CFAP61: variants seen among roughly 807,000 people sequenced by gnomAD.
The protein encoded by CFAP61 is cilia and flagella associated protein 61, also known as cilia- and flagella-associated protein 61.
Under a neutral mutation model 135.6 loss-of-function variants are expected in CFAP61, and 107 were observed. The ratio of observed to expected loss-of-function variants is 0.79; its 90% CI spans 0.67 to 0.93. The LOEUF is 0.93. Among genes scored for constraint, CFAP61 ranks in the 40% least tolerant of loss-of-function variants. CFAP61 has a pLI of 0.00. For missense variants in CFAP61, 1,507 were observed against 1,556.2 expected (o/e 0.97, Z 0.53); for synonymous variants, 575 against 578.5 (o/e 0.99, Z 0.09).
chr20:20,114,281 T>A (rs1024038606), intron 8 of CFAP61, among the ~76,000 whole-genome samples: 2 of 152,164 alleles, frequency 1.3e-5, no homozygotes, highest in African/African-American at 4.8e-5. Flanking sequence ...AAAATTAAAT[T>A]AAATTTTAAA....
rs2146531595 is a variant in CFAP61, at chr20:20,056,789, T to C, written c.136T>C (p.Tyr46His). ...CKLFGKLNII[Y>H]LLEKANLAVT... ...GCTGTTTGGGAAGCTAAATATCATC[T>C]ATCTTCTGTAAGTAGATAACTAAGT... is the stretch of plus-strand genomic sequence containing the variant. Residue 46 changes from tyrosine to histidine, a missense_variant, in exon 2 of 27, where the codon TAT (tyrosine) becomes CAT (histidine). Physicochemically the swap from Tyr to His is moderately conservative, Grantham distance 83. Coordinates refer to ENST00000245957, the MANE Select transcript of CFAP61 (RefSeq NM_015585.4). 6.2e-7 allele frequency: 1 copy of C among 1,614,068 alleles called. No individual in the cohort carries two copies. The highest frequency in any genetic ancestry group is 1.1e-5 in the South Asian group (1 of 91,066).
intron 21 of CFAP61, among the ~76,000 whole-genome samples, chr20:20,269,595 C>T (rs2053180347): frequency 6.6e-6 from 1 of 152,186 alleles, no homozygotes; most frequent in Non-Finnish European, 1.5e-5. Flanking sequence ...TGGACTCAAA[C>T]TCCTAACCTC....
intron 8 of CFAP61, among the ~76,000 whole-genome samples, chr20:20,111,175 G>C (rs1021255022): frequency 6.6e-6 from 1 of 152,082 alleles, no homozygotes; most frequent in Non-Finnish European, 1.5e-5. Flanking sequence ...AATAAATCTA[G>C]TTTCATTAAA....
At chr20:20,296,314 CCCTCCT>C (rs2055544010) in intron 24 of CFAP61, among the ~76,000 whole-genome samples, 1 of 61,224 alleles carries the variant, frequency 1.6e-5, no homozygotes, top group South Asian at 5.7e-4. Context: ...TTCCTTCCTT[CCCTCCT>C]TCCTTCCCTT....
At chr20:20,126,796 T>C (rs1312351509) in intron 8 of CFAP61, among the ~76,000 whole-genome samples, 3 of 151,892 alleles carry the variant, frequency 2.0e-5, no homozygotes, top group South Asian at 4.1e-4. Context: ...CCTCGATTTT[T>C]CCCCCAAATA....
At position 20,341,855 on chromosome 20, in the gene CFAP61, G is replaced by C; in HGVS notation, c.3447G>C (p.Leu1149=). 2 of 1,613,704 alleles carry C rather than the reference G, an allele frequency of 1.2e-6. No homozygotes were observed. Among genetic ancestry groups the C allele is most frequent in the South Asian group, 2.2e-5 (2 of 91,026 alleles). Residue 1149 remains leucine, a synonymous_variant, in exon 26 of 27, where the codon CTG becomes CTC. Coordinates refer to ENST00000245957, the MANE Select transcript of CFAP61 (RefSeq NM_015585.4). ...GCTACTTCACCGAGCCGTGGTGCCTGGCCCTGTTCCACGATCGTTTTATTG... is the reference window on the plus strand; with the variant it reads ...GCTACTTCACCGAGCCGTGGTGCCTCGCCCTGTTCCACGATCGTTTTATTG... The part of the protein sequence containing the change: ...LYSYFTEPWC[L]ALFHDRFIDL...
chr20:20,194,766 G>T (rs779975255), intron 15 of CFAP61, among the ~76,000 whole-genome samples: 3 of 152,200 alleles, frequency 2.0e-5, no homozygotes, highest in Non-Finnish European at 4.4e-5. Flanking sequence ...CCAGCCGGCA[G>T]GCAGGGACTC....
rs563529123 is a variant in CFAP61 at position 20,248,953 on chromosome 20, A to G, written c.2160-2642A>G. On this transcript the variant is annotated intron_variant, in intron 19 of 26. Transcript: ENST00000245957. ...ACTTTCTATGAAGACAGTCTTTCACATTAGTTTTGAGTCACGGTCAAGCTC... is the reference window on the plus strand; with the variant it reads ...ACTTTCTATGAAGACAGTCTTTCACGTTAGTTTTGAGTCACGGTCAAGCTC... Among the ~76,000 whole-genome samples, 10 of 152,094 alleles carry G rather than the reference A, an allele frequency of 6.6e-5. No homozygotes were observed. In the East Asian group the frequency reaches 1.9e-3, roughly 29 times the overall value.
intron 7 of CFAP61, among the ~76,000 whole-genome samples, chr20:20,097,894 G>A (rs770306248): frequency 2.0e-5 from 3 of 152,200 alleles, no homozygotes; most frequent in Admixed American, 6.5e-5. Context: ...GCTAGGGACC[G>A]TGAACTTTCT....
intron 8 of CFAP61, among the ~76,000 whole-genome samples, chr20:20,129,497 A>G (rs73605597): frequency 0.1 from 15,058 of 151,138 alleles, 1,663 homozygotes; most frequent in East Asian, 0.6. Context: ...TCCTCTCTTT[A>G]TTCTTGACTT....
At chr20:20,308,501 G>A (rs1013846067) in intron 25 of CFAP61, among the ~76,000 whole-genome samples, 11 of 152,224 alleles carry the variant, frequency 7.2e-5, no homozygotes, top group African/African-American at 2.4e-4. Context: ...AGCTTTCTGG[G>A]GCACTTGGTC....
intron 18 of CFAP61, among the ~76,000 whole-genome samples, chr20:20,243,704 TG>T (rs2050195080): frequency 6.6e-6 from 1 of 152,124 alleles, no homozygotes; most frequent in Admixed American, 6.6e-5. Context: ...CCCAAAGTGC[TG>T]GGATTACAGG....
chr20:20,344,556 T>A (rs1040328533), intron 26 of CFAP61, among the ~76,000 whole-genome samples: 1 of 152,160 alleles, frequency 6.6e-6, no homozygotes, highest in African/African-American at 2.4e-5. Context: ...TGAAACATCA[T>A]CTCACCCCAG....
chr20:20,247,215 C>T (rs533036992), intron 19 of CFAP61, among the ~76,000 whole-genome samples: 61 of 152,326 alleles, frequency 4.0e-4, no homozygotes, highest in African/African-American at 1.5e-3. Context: ...TCTCCATTTC[C>T]CTCTTTCTAA....
chr20:20,262,895 T>A, intron 20 of CFAP61, 61 bp from the exon 21 acceptor site: 5 of 1,077,220 alleles, frequency 4.6e-6, no homozygotes, highest in Admixed American at 2.6e-5. Flanking sequence ...TTTTTTTTTT[T>A]AACCACTGTC....
At chr20:20,113,993 G>C (rs1411752725) in intron 8 of CFAP61, among the ~76,000 whole-genome samples, 2 of 150,732 alleles carry the variant, frequency 1.3e-5, no homozygotes, top group African/African-American at 4.9e-5. Context: ...AAAAGCCTGG[G>C]TGCCATGGCT....
At chr20:20,264,821 G>A (rs2052573597) in intron 21 of CFAP61, among the ~76,000 whole-genome samples, 1 of 152,194 alleles carries the variant, frequency 6.6e-6, no homozygotes, top group African/African-American at 2.4e-5. Context: ...GAGCTTGGGA[G>A]GTCAAGGCTG....
At chr20:20,077,095 C>G (rs557158017) in intron 6 of CFAP61, among the ~76,000 whole-genome samples, 2 of 152,222 alleles carry the variant, frequency 1.3e-5, no homozygotes, top group East Asian at 3.9e-4. Context: ...AGCTGAGAAG[C>G]GGGATGCACA....
Position 20,327,777 on chromosome 20 carries a change from C to CAAAAAAAAAAAAAAAAAAA in CFAP61, c.3423-14044_3423-14026dup, listed in dbSNP as rs60171844. Among the ~76,000 whole-genome samples, 71 of 60,344 alleles carry CAAAAAAAAAAAAAAAAAAA rather than the reference C, an allele frequency of 1.2e-3. 10 individuals are homozygous for CAAAAAAAAAAAAAAAAAAA. The highest frequency in any genetic ancestry group is 4.1e-3 in the African/African-American group (65 of 15,784). 39.6% of individuals were successfully genotyped at this position (60,344 alleles called of 152,430 possible). ...CCTGGGCAACAGAGCAAGAGCCTGT[C>CAAAAAAAAAAAAAAAAAAA]AAAAAAAAAAAAAAAAAAAAAAAAA... On this transcript the variant is annotated intron_variant, in intron 25 of 26. Transcript: ENST00000245957.
Sources: allele counts gnomAD v4.1 joint callset (sites outside exome capture counted in the v4.1 genomes callset), GRCh38; gene constraint gnomAD v4.1.1; transcripts MANE v1.5; gene names NCBI Gene and HGNC (gene_info 2026-07-23, HGNC 2026-07-21).